NBEAL1: variants seen among roughly 807,000 people sequenced by gnomAD.
The protein encoded by NBEAL1 is neurobeachin like 1, also known as neurobeachin-like protein 1.
NBEAL1 carries 273 observed loss-of-function variants against 351.3 expected under a neutral mutation model. The observed-to-expected ratio is 0.78, with a 90% confidence interval of 0.70 to 0.86. The LOEUF is 0.86. Ranked by LOEUF, NBEAL1 falls within the 40% of genes least tolerant of loss-of-function variation. The probability of loss-of-function intolerance (pLI) is 0.00; values close to 1 mark genes in which losing one functional copy is unlikely to be tolerated. For missense variants in NBEAL1, 2,961 were observed against 3,201.3 expected (o/e 0.92, Z 1.81); for synonymous variants, 1,050 against 1,086.4 (o/e 0.97, Z 0.66).
At chr2:203,070,669 T>C (rs2061667405) in intron 7 of NBEAL1, among the ~76,000 whole-genome samples, 1 of 152,130 alleles carries the variant, frequency 6.6e-6, no homozygotes, top group African/African-American at 2.4e-5. Context: ...CCTCAGGAGC[T>C]TTTACTTACT....
At chr2:203,183,028 A>G (rs974769143) in intron 43 of NBEAL1, 6 of 249,984 alleles carry the variant, frequency 2.4e-5, no homozygotes, top group Non-Finnish European at 4.5e-5. Context: ...TCTGATTGAA[A>G]TAAGGGTTGT....
chr2:203,144,089 T>C (rs2063449090), intron 31 of NBEAL1, among the ~76,000 whole-genome samples: 1 of 151,046 alleles, frequency 6.6e-6, no homozygotes, highest in Non-Finnish European at 1.5e-5. Context: ...CAGGCGCCTG[T>C]AATCCCAGCT....
At chr2:203,149,608 G>A (rs1559407013) in intron 34 of NBEAL1, among the ~76,000 whole-genome samples, 1 of 152,020 alleles carries the variant, frequency 6.6e-6, no homozygotes, top group Admixed American at 6.6e-5. Context: ...ATTTTAAAAT[G>A]TACAGTTCAC....
chr2:203,180,350 A>T, intron 42 of NBEAL1, 32 bp from the exon 43 acceptor site: 1 of 1,583,794 alleles, frequency 6.3e-7, no homozygotes, highest in South Asian at 1.2e-5. Context: ...ATTTCATTCA[A>T]TATTTACTTC....
At chr2:203,067,711 A>T (rs1278630153) in intron 6 of NBEAL1, among the ~76,000 whole-genome samples, 3 of 152,176 alleles carry the variant, frequency 2.0e-5, no homozygotes, top group Non-Finnish European at 4.4e-5. Context: ...CTGTGATTTT[A>T]AAAAATTCAC....
intron 3 of NBEAL1, among the ~76,000 whole-genome samples, chr2:203,043,452 A>T (rs2061175403): frequency 6.6e-6 from 1 of 152,118 alleles, no homozygotes; most frequent in Non-Finnish European, 1.5e-5. Context: ...AGTTTAAGAT[A>T]AGTGTTGGCC....
rs2065949128 is a variant in NBEAL1, at chr2:203,221,022, A to T, written c.*3668A>T. On this transcript the variant is annotated 3_prime_UTR_variant, in exon 56 of 56. Coordinates refer to ENST00000683969, the MANE Select transcript of NBEAL1 (RefSeq NM_001378026.1). ...GCATATTAAAATTATCCTTCAGAGT[A>T]CTTGTATTGAAAATCAAGTTTATGC... 6.6e-6 allele frequency among the ~76,000 whole-genome samples: 1 copy of T among 152,112 alleles called. No individual in the cohort carries two copies. Among genetic ancestry groups the T allele is most frequent in the African/African-American group, 2.4e-5 (1 of 41,434 alleles).
rs544424874 is a variant in NBEAL1, at chr2:203,097,578, A to G, written c.1130A>G (p.Asp377Gly). ...LFLNANNKVADKNEKDLANKL... is the reference protein window; with the variant it reads ...LFLNANNKVAGKNEKDLANKL... ...TTAAATGCTAACAATAAGGTGGCAG[A>G]CAAGAACGAGAAAGACCTTGCCAAC... Residue 377 changes from aspartate to glycine, a missense_variant, in exon 11 of 56, where the codon GAC becomes GGC. Physicochemically the swap from Asp to Gly is moderately conservative, Grantham distance 94. Coordinates refer to ENST00000683969, the MANE Select transcript of NBEAL1 (RefSeq NM_001378026.1). The G allele has an allele frequency of 3.0e-4, 299 of 985,610 alleles. No individual in the cohort carries two copies. The highest frequency in any genetic ancestry group is 3.5e-4 in the Non-Finnish European group (291 of 829,800). 61.1% of individuals were successfully genotyped at this position (985,610 alleles called of 1,614,324 possible).
At chr2:203,071,666 T>C (rs145879881) in intron 7 of NBEAL1, among the ~76,000 whole-genome samples, 4 of 152,314 alleles carry the variant, frequency 2.6e-5, no homozygotes, top group African/African-American at 9.6e-5. Context: ...CTAAATCTGA[T>C]ACTGGTGAGA....
At chr2:203,159,326 A>T (rs1350295764) in intron 36 of NBEAL1, among the ~76,000 whole-genome samples, 1 of 151,992 alleles carries the variant, frequency 6.6e-6, no homozygotes, top group Non-Finnish European at 1.5e-5. Flanking sequence ...CAGAACATTT[A>T]TGTCACCCCA....
At chr2:203,131,583 G>A (rs541210088) in intron 25 of NBEAL1, among the ~76,000 whole-genome samples, 5 of 152,152 alleles carry the variant, frequency 3.3e-5, no homozygotes, top group African/African-American at 1.2e-4. Flanking sequence ...TATGCCTATT[G>A]TTCCATTATT....
upstream of NBEAL1, chr2:203,014,640 C>A (rs559228602): frequency 2.0e-5 from 3 of 152,388 alleles, no homozygotes; most frequent in South Asian, 2.1e-4. Flanking sequence ...AGGGAAGGCT[C>A]GTTTCAGTGC....
At chr2:203,122,980 G>T (rs2062860864) in intron 19 of NBEAL1, among the ~76,000 whole-genome samples, 1 of 151,890 alleles carries the variant, frequency 6.6e-6, no homozygotes, top group Non-Finnish European at 1.5e-5. Context: ...GGTGAGAAAG[G>T]CTTAATTCTT....
chr2:203,213,600 G>A lies in NBEAL1; in HGVS notation c.8017G>A (p.Val2673Ile). The change falls in exon 55 of 56, where the codon GTA (valine) becomes ATA (isoleucine). Residue 2673 changes from valine to isoleucine, a missense_variant. Val to Ile is a conservative substitution (Grantham distance 29). Coordinates refer to ENST00000683969, the MANE Select transcript of NBEAL1 (RefSeq NM_001378026.1). ...CVTKEYSHILVGLEDGKLIVV... is the reference protein window; with the variant it reads ...CVTKEYSHILIGLEDGKLIVV... ...CACCAAAGAATACAGCCATATTCTT[G>A]TAGGTTTAGAAGATGGCAAATTGAT... 9 of 1,613,890 alleles carry A rather than the reference G, an allele frequency of 5.6e-6. No homozygotes were observed. Among genetic ancestry groups the A allele is most frequent in the Non-Finnish European group, 7.6e-6 (9 of 1,179,806 alleles).
chr2:203,082,852 A>T (rs1265142879), intron 8 of NBEAL1, among the ~76,000 whole-genome samples: 2 of 152,216 alleles, frequency 1.3e-5, no homozygotes, highest in South Asian at 2.1e-4. Flanking sequence ...CATGATATAA[A>T]GGTGGCTGCA....
At chr2:203,174,976 T>G (rs1431081125) in intron 41 of NBEAL1, among the ~76,000 whole-genome samples, 171 bp from the exon 42 acceptor site, 1 of 152,086 alleles carries the variant, frequency 6.6e-6, no homozygotes, top group Non-Finnish European at 1.5e-5. Flanking sequence ...CAATAAAATT[T>G]TTTTCGTTTT....
In NBEAL1 at chr2:203,197,521, C is replaced by T. The variant is rs182022519; in HGVS notation, c.7128+130C>T. 4.0e-4 allele frequency: 216 copies of T among 543,982 alleles called. 2 individuals are homozygous for T. Among genetic ancestry groups the T allele is most frequent in the African/African-American group, 3.5e-3 (182 of 52,656 alleles). 33.7% of individuals were successfully genotyped at this position (543,982 alleles called of 1,614,324 possible). A position where few individuals can be genotyped will look rare whatever the true frequency, so the allele number is the denominator to read the frequency against. ...TGGTGGTTCATGCCTGTAATCCCAG[C>T]GCTTTGGGAGGTTGAGACAAGCAGA... On this transcript the variant is annotated intron_variant, in intron 48 of 55. Coordinates refer to ENST00000683969, the MANE Select transcript of NBEAL1 (RefSeq NM_001378026.1).
intron 11 of NBEAL1, among the ~76,000 whole-genome samples, chr2:203,098,418 T>TGTTTAATA (rs2062231171): frequency 6.6e-6 from 1 of 152,180 alleles, no homozygotes; most frequent in African/African-American, 2.4e-5. Flanking sequence ...TGTTTTAGAT[T>TGTTTAATA]TCTGTATAAA....
chr2:203,129,475 T>C (rs2063023197), intron 24 of NBEAL1, among the ~76,000 whole-genome samples: 1 of 152,188 alleles, frequency 6.6e-6, no homozygotes, highest in African/African-American at 2.4e-5. Flanking sequence ...CTCAAAAGCT[T>C]CTCATTATTC....
Sources: gnomAD v4.1 joint callset for allele counts (sites outside exome capture counted in the v4.1 genomes callset) on GRCh38, gnomAD v4.1.1 for gene constraint, MANE v1.5 for transcripts, NCBI Gene and HGNC (gene_info 2026-07-23, HGNC 2026-07-21) for gene names.